Variants in YPEL2 observed in about 807,000 individuals in gnomAD.
YPEL2 encodes protein yippee-like 2.
YPEL2 carries 2 observed loss-of-function variants against 19.1 expected under a neutral mutation model. The observed-to-expected ratio is 0.10, with a 90% CI of 0.04 to 0.33. The LOEUF (loss-of-function observed/expected upper bound fraction) is 0.33, where lower values mean the gene tolerates loss of function less well. Ranked by LOEUF, YPEL2 falls within the 10% of genes least tolerant of loss-of-function variation. The pLI is 1.00. For missense variants in YPEL2, 66 were observed against 140.7 expected (o/e 0.47, Z 2.68); for synonymous variants, 52 against 50.0 (o/e 1.04, Z -0.17).
rs536202996 is a variant in YPEL2 at position 59,400,620 on chromosome 17, C to G, written c.*3430C>G. On this transcript the variant is annotated 3_prime_UTR_variant, in exon 5 of 5. Transcript: ENST00000312655. ...GGTTGAGAATTGAAATATTTTCTTG[C>G]ATCAGTATTGGCTAGAAAAGAAAAT... The G allele has an allele frequency of 6.6e-6, 1 of 152,546 alleles. No individual in the cohort carries two copies. The highest frequency in any genetic ancestry group is 2.4e-5 in the African/African-American group (1 of 41,526). The allele number at this position is 152,546 out of a possible 1,614,324, so 9.4% of individuals were successfully genotyped here.
intron 2 of YPEL2, among the ~76,000 whole-genome samples, chr17:59,362,186 A>C (rs1197976286): frequency 6.6e-6 from 1 of 152,130 alleles, no homozygotes; most frequent in Non-Finnish European, 1.5e-5. Context: ...CAGTGGTCCG[A>C]ATGTGTTCCA....
chr17:59,352,841 A>G (rs769800437), intron 1 of YPEL2, among the ~76,000 whole-genome samples: 9 of 152,134 alleles, frequency 5.9e-5, no homozygotes, highest in African/African-American at 1.7e-4. Flanking sequence ...CTTCTCCTTT[A>G]ACCACTCACC....
intron 4 of YPEL2, among the ~76,000 whole-genome samples, chr17:59,392,739 C>T (rs534365085): frequency 6.6e-6 from 1 of 152,202 alleles, no homozygotes; most frequent in East Asian, 1.9e-4. Flanking sequence ...GTCTCGAACT[C>T]CTCACCTCGT....
chr17:59,331,904 C>A (rs1214658355), intron 1 of YPEL2, 80 bp downstream of exon 1: 1 of 151,272 alleles, frequency 6.6e-6, no homozygotes, highest in Non-Finnish European at 1.5e-5. Flanking sequence ...GGGTCCCCGG[C>A]CCCGGCCTCC....
chr17:59,389,307 C>G, intron 3 of YPEL2, 53 bp from the exon 4 acceptor site: 4 of 1,495,312 alleles, frequency 2.7e-6, no homozygotes, highest in Non-Finnish European at 3.7e-6. Flanking sequence ...AGCTTGAATG[C>G]CTGATGTGCG....
intron 2 of YPEL2, among the ~76,000 whole-genome samples, chr17:59,376,744 C>A (rs912784392): frequency 6.6e-6 from 1 of 151,958 alleles, no homozygotes; most frequent in Non-Finnish European, 1.5e-5. Context: ...TTTTTATGAG[C>A]CACCTCAGTC....
rs2147940275 is a variant in YPEL2 at position 59,353,472 on chromosome 17, C to T, written c.63C>T (p.Tyr21=). The change falls in exon 2 of 5, where the codon TAC becomes TAT. Residue 21 remains tyrosine, a synonymous_variant. Coordinates refer to ENST00000312655, the MANE Select transcript of YPEL2 (RefSeq NM_001005404.4). The surrounding 1 kb of genome is among the most constrained non-coding windows in gnomAD (Gnocchi z 4.8). The stretch of plus-strand genomic sequence containing the variant: ...ATCTGCCCTCCTGCCACCGGACCTA[C>T]AGCTGCATTCACTGCAGAGCTCACT... ...QAYLPSCHRT[Y]SCIHCRAHLA... is the part of the protein sequence containing the mutation. The T allele has an allele frequency of 1.2e-6, 2 of 1,613,826 alleles. No individual in the cohort carries two copies. The highest frequency in any genetic ancestry group is 2.2e-5 in the South Asian group (2 of 91,022).
intron 1 of YPEL2, among the ~76,000 whole-genome samples, chr17:59,347,060 C>T (rs542902629): frequency 6.6e-6 from 1 of 152,308 alleles, no homozygotes; most frequent in East Asian, 1.9e-4. Flanking sequence ...CGAAGCTATG[C>T]ATGGGCGTTA....
Position 59,353,555 on chromosome 17 carries a change from C to T in YPEL2, c.117+29C>T, listed in dbSNP as rs767557810. 1.9e-6 allele frequency: 3 copies of T among 1,567,196 alleles called. No individual in the cohort carries two copies. In the Admixed American group the frequency reaches 5.0e-5, roughly 26 times the overall value. On this transcript the variant is annotated intron_variant, in intron 2 of 4. Transcript: ENST00000312655. This position sits in a 1 kb window ranked among gnomAD's most constrained non-coding sequence, Gnocchi z 4.8. ...CACATTTCCAGCAGGCCTTCCTTGC[C>T]TACCCCGGGGAGGGCGCTTAGTGCT...
At chr17:59,332,872 G>A (rs979138257) in intron 1 of YPEL2, among the ~76,000 whole-genome samples, 1 of 152,150 alleles carries the variant, frequency 6.6e-6, no homozygotes, top group African/African-American at 2.4e-5. Context: ...CTTGCAACTT[G>A]GGAGGCTCTT....
At chr17:59,394,208 T>C (rs1312665172) in intron 4 of YPEL2, among the ~76,000 whole-genome samples, 1 of 151,878 alleles carries the variant, frequency 6.6e-6, no homozygotes, top group African/African-American at 2.4e-5. Flanking sequence ...CCCACCTCCC[T>C]CCCAGACAGG....
At chr17:59,383,115 G>A (rs927007588) in intron 2 of YPEL2, among the ~76,000 whole-genome samples, 19 of 152,084 alleles carry the variant, frequency 1.2e-4, no homozygotes, top group Admixed American at 6.6e-5. Flanking sequence ...ATAGATATAG[G>A]AATTGAGTGT....
chr17:59,371,035 A>G (rs780530876), intron 2 of YPEL2, among the ~76,000 whole-genome samples: 3 of 152,054 alleles, frequency 2.0e-5, no homozygotes, highest in Non-Finnish European at 4.4e-5. Flanking sequence ...TCCAGCCCCC[A>G]GCCGAGGGAG....
intron 1 of YPEL2, among the ~76,000 whole-genome samples, chr17:59,346,747 G>A (rs569992505): frequency 6.6e-6 from 1 of 152,254 alleles, no homozygotes; most frequent in East Asian, 1.9e-4. Context: ...TTTCAGTAGG[G>A]TTAAGATGGA....
intron 2 of YPEL2, among the ~76,000 whole-genome samples, chr17:59,361,479 T>C (rs905902999): frequency 2.6e-5 from 4 of 152,260 alleles, no homozygotes; most frequent in African/African-American, 4.8e-5. Flanking sequence ...GACGCATGTT[T>C]CCCATTAGCC....
intron 2 of YPEL2, among the ~76,000 whole-genome samples, chr17:59,377,933 T>C (rs2047930217): frequency 6.6e-6 from 1 of 152,204 alleles, no homozygotes; most frequent in Admixed American, 6.5e-5. Context: ...TGGTACTTAC[T>C]ATACACACAA....
intron 2 of YPEL2, chr17:59,366,201 G>C (rs2047867830): frequency 6.5e-6 from 1 of 153,928 alleles, no homozygotes; most frequent in South Asian, 2.0e-4. Flanking sequence ...AAACCCTCCT[G>C]CAGAGGGCCC....
chr17:59,375,528 G>A (rs1054590519), intron 2 of YPEL2, among the ~76,000 whole-genome samples: 2 of 152,132 alleles, frequency 1.3e-5, no homozygotes, highest in African/African-American at 4.8e-5. Context: ...GGACTCAGAG[G>A]GTGTTCCCTC....
At chr17:59,389,016 A>G (rs1373770347) in intron 3 of YPEL2, 2 of 326,964 alleles carry the variant, frequency 6.1e-6, no homozygotes, top group Non-Finnish European at 1.2e-5. Context: ...GTAAGCTGTG[A>G]GGACCTGTGC....
Sources: gnomAD v4.1 joint callset for allele counts (sites outside exome capture counted in the v4.1 genomes callset) on GRCh38, gnomAD v4.1.1 for gene constraint, Gnocchi (gnomAD v3.1) non-coding constraint, MANE v1.5 for transcripts, NCBI Gene and HGNC (gene_info 2026-07-23, HGNC 2026-07-21) for gene names.